HERC2: variants seen among roughly 807,000 people sequenced by gnomAD.
HERC2 encodes HECT and RLD domain containing E3 ubiquitin protein ligase 2, also known as E3 ubiquitin-protein ligase HERC2.
Under a neutral mutation model 537.7 loss-of-function variants are expected in HERC2, and 102 were observed. The ratio of observed to expected loss-of-function variants is 0.19; its 90% CI spans 0.16 to 0.22. HERC2 has a LOEUF of 0.22. HERC2 is among the 10% of genes least tolerant of loss of function. HERC2 has a pLI of 1.00. For synonymous variants in HERC2, 2,224 were observed against 2,466.2 expected (o/e 0.90, Z 2.91); for missense variants, 4,236 against 6,198.2 (o/e 0.68, Z 10.63).
chr15:28,119,320 A>G (rs1404778650), intron 86 of HERC2, among the ~76,000 whole-genome samples: 1 of 147,586 alleles, frequency 6.8e-6, no homozygotes, highest in African/African-American at 2.6e-5. Context: ...GAATTGCTTG[A>G]GCCTGGGAGG....
rs2075830972 is a variant in HERC2, at chr15:28,274,898, A to T, written c.643+7T>A. 6.2e-7 allele frequency: 1 copy of T among 1,606,712 alleles called. No individual in the cohort carries two copies. On this transcript the variant is annotated splice_region_variant and intron_variant, in intron 6 of 92. Transcript: ENST00000261609. Reference sequence around the variant, plus strand: ...AGCAGAACAACGCGCCACACCAGGGACCGTACCTGATCGCCAGGCCCTGCG... The same window carrying T: ...AGCAGAACAACGCGCCACACCAGGGTCCGTACCTGATCGCCAGGCCCTGCG...
chr15:28,199,012 C>T (rs1301831042), intron 48 of HERC2, among the ~76,000 whole-genome samples: 4 of 151,864 alleles, frequency 2.6e-5, no homozygotes, highest in Middle Eastern at 3.2e-3. Context: ...CCAGACGTGG[C>T]GGTGCATGCC....
At position 28,308,898 on chromosome 15, in the gene HERC2, T is replaced by C. The variant is rs1225928369; in HGVS notation, c.73-9382A>G. Among the ~76,000 whole-genome samples the C allele has an allele frequency of 2.0e-5, 3 of 152,260 alleles. No homozygotes were observed. The South Asian group carries it at 6.2e-4, about 31-fold the overall frequency. ...CTTGTACCCCAGGGATAAACCCCAC[T>C]TGGTCACAATGAACGATCTTTCTAA... On this transcript the variant is annotated intron_variant, in intron 2 of 92. Coordinates refer to ENST00000261609, the MANE Select transcript of HERC2 (RefSeq NM_004667.6).
intron 5 of HERC2, among the ~76,000 whole-genome samples, chr15:28,278,752 G>A (rs905209120): frequency 6.6e-6 from 1 of 152,170 alleles, no homozygotes; most frequent in Non-Finnish European, 1.5e-5. Context: ...TACCTTCTAT[G>A]TGCTCTCTCC....
chr15:28,220,519 G>C lies in HERC2; in HGVS notation c.5778C>G (p.Leu1926=), dbSNP rs1900412758. 10 of 1,602,536 alleles carry C rather than the reference G, an allele frequency of 6.2e-6. No individual in the cohort carries two copies. The highest frequency in any genetic ancestry group is 1.3e-5 in the African/African-American group (1 of 74,986). The change falls in exon 37 of 93, where the codon CTC becomes CTG. Residue 1926 remains leucine (L), a synonymous_variant. Coordinates refer to ENST00000261609, the MANE Select transcript of HERC2 (RefSeq NM_004667.6). ...YRMGKEGKYD[L]KLAELPAAAQ... Reference sequence around the variant, plus strand: ...CAGCAGCCGGCAGCTCTGCCAGCTTGAGGTCGTATTTTCCTTCTTTCCCCA... The same window carrying C: ...CAGCAGCCGGCAGCTCTGCCAGCTTCAGGTCGTATTTTCCTTCTTTCCCCA...
At chr15:28,282,853 AC>A (rs1183491180) in intron 4 of HERC2, among the ~76,000 whole-genome samples, 3 of 151,944 alleles carry the variant, frequency 2.0e-5, no homozygotes, top group African/African-American at 7.3e-5. Flanking sequence ...AATCATTCGA[AC>A]TAGGGAGGCG....
Position 28,222,351 on chromosome 15 carries a change from A to G in HERC2, c.5465-136T>C, listed in dbSNP as rs1483166795. 6 of 552,368 alleles carry G rather than the reference A, an allele frequency of 1.1e-5. No homozygotes were observed. The Admixed American group carries it at 1.5e-4, about 14-fold the overall frequency. The allele number at this position is 552,368 out of a possible 1,614,324, so 34.2% of individuals were successfully genotyped here. On this transcript the variant is annotated intron_variant, in intron 35 of 92. Transcript: ENST00000261609. Reference sequence around the variant, plus strand: ...ATACTATATGTTTTATCAATATAATATTATGAATATTTTACTGATATAGGA... The same window carrying G: ...ATACTATATGTTTTATCAATATAATGTTATGAATATTTTACTGATATAGGA...
Position 28,256,684 on chromosome 15 carries a change from T to C in HERC2, c.2518-367A>G, listed in dbSNP as rs925656423. 2.0e-4 allele frequency among the ~76,000 whole-genome samples: 31 copies of C among 152,154 alleles called. 2 individuals carry two copies. Among genetic ancestry groups the C allele is most frequent in the Non-Finnish European group, 4.0e-4 (27 of 68,036 alleles). ...ATCTCGGCTCACTGCAAGCTCTGCC[T>C]CCCCAGTTCATGCCATTTTCCTGAC... On this transcript the variant is annotated intron_variant, in intron 17 of 92. Coordinates refer to ENST00000261609, the MANE Select transcript of HERC2 (RefSeq NM_004667.6).
rs1291459553 is a variant in HERC2, at chr15:28,224,149, C to CCACA, written c.5465-1938_5465-1935dup. On this transcript the variant is annotated intron_variant, in intron 35 of 92. Transcript: ENST00000261609. Reference sequence around the variant, plus strand: ...TAAAAAATTATACACACACACACACCCACACACACACACACACAGAGAGAG... The same window carrying CCACA: ...TAAAAAATTATACACACACACACACCCACACACACACACACACACACAGAGAGAG... Among the ~76,000 whole-genome samples the CCACA allele has an allele frequency of 3.2e-4, 43 of 133,068 alleles. 1 individual carries two copies. The highest frequency in any genetic ancestry group is 3.9e-3 in the Middle Eastern group (1 of 256). 87.3% of individuals were successfully genotyped at this position (133,068 alleles called of 152,430 possible).
At chr15:28,127,362 C>T (rs961979989) in intron 83 of HERC2, among the ~76,000 whole-genome samples, 2 of 152,144 alleles carry the variant, frequency 1.3e-5, no homozygotes, top group African/African-American at 4.8e-5. Context: ...GGATGAGATG[C>T]TGGTTATGCA....
chr15:28,262,441 T>C (rs963328551), intron 15 of HERC2, among the ~76,000 whole-genome samples: 3 of 152,184 alleles, frequency 2.0e-5, no homozygotes, highest in Non-Finnish European at 4.4e-5. Flanking sequence ...CTACAATGCA[T>C]GCTGGACACC....
At chr15:28,294,409 AAAACCTTTTG>A (rs1567130463) in intron 3 of HERC2, among the ~76,000 whole-genome samples, 1 of 150,160 alleles carries the variant, frequency 6.7e-6, no homozygotes, top group African/African-American at 2.5e-5. Context: ...CACTAAGGAC[AAAACCTTTTG>A]AAAAGTGCCA....
At chr15:28,231,035 T>C (rs1482992891) in intron 30 of HERC2, among the ~76,000 whole-genome samples, 1 of 152,176 alleles carries the variant, frequency 6.6e-6, no homozygotes, top group African/African-American at 2.4e-5. Flanking sequence ...GGCCCATAGT[T>C]CCTGGCTTGT....
intron 83 of HERC2, among the ~76,000 whole-genome samples, chr15:28,125,842 A>C (rs541170595): frequency 6.6e-6 from 1 of 152,196 alleles, no homozygotes; most frequent in African/African-American, 2.4e-5. Flanking sequence ...ATGAAGTCTC[A>C]CTTTGTCGCC....
chr15:28,272,221 G>T lies in HERC2; in HGVS notation c.1077C>A (p.Asp359Glu), dbSNP rs1309573162. Residue 359 changes from aspartate (D) to glutamate (E), a missense_variant, in exon 9 of 93, where the codon GAC (aspartate) becomes GAA (glutamate). By Grantham distance (45) the Asp-to-Glu change is conservative. Coordinates refer to ENST00000261609, the MANE Select transcript of HERC2 (RefSeq NM_004667.6). ...CRKDAPHSEG[D>E]MHLLSGPLSP... is the part of the protein sequence containing the mutation. Reference sequence around the variant, plus strand: ...GTTCCATCATGACACTCACGTGCATGTCGCCCTCGGAGTGGGGTGCATCCT... The same window carrying T: ...GTTCCATCATGACACTCACGTGCATTTCGCCCTCGGAGTGGGGTGCATCCT... 2 of 1,596,146 alleles carry T rather than the reference G, an allele frequency of 1.3e-6. No homozygotes were observed. The highest frequency in any genetic ancestry group is 1.7e-6 in the Non-Finnish European group (2 of 1,172,644).
intron 4 of HERC2, among the ~76,000 whole-genome samples, chr15:28,287,564 A>T (rs1034871318): frequency 2.0e-5 from 3 of 152,296 alleles, no homozygotes; most frequent in Admixed American, 6.5e-5. Flanking sequence ...ACAGATTTTT[A>T]AAATCACAAC....
chr15:28,132,231 C>T lies in HERC2; in HGVS notation c.12439G>A (p.Asp4147Asn). ...GCATCTCCACTGCCACAGGCGATGT[C>T]AACCACACGGTGGCCCTGCAGCGCC... ...VEALQGHRVV[D>N]IACGSGDAQT... is the part of the protein sequence containing the mutation. The change falls in exon 81 of 93, where the codon GAC becomes AAC. Residue 4147 changes from aspartate to asparagine, a missense_variant. Physicochemically the swap from Asp to Asn is conservative, Grantham distance 23. Coordinates refer to ENST00000261609, the MANE Select transcript of HERC2 (RefSeq NM_004667.6). 3 of 1,613,456 alleles carry T rather than the reference C, an allele frequency of 1.9e-6. No individual in the cohort carries two copies. The highest frequency in any genetic ancestry group is 1.3e-5 in the African/African-American group (1 of 75,066).
intron 3 of HERC2, among the ~76,000 whole-genome samples, chr15:28,294,491 T>A (rs1371186904): frequency 6.7e-6 from 1 of 149,860 alleles, no homozygotes; most frequent in Admixed American, 6.7e-5. Flanking sequence ...TATTACGTGC[T>A]GCCTTGACAT....
intron 79 of HERC2, 76 bp from the exon 80 acceptor site, chr15:28,132,906 A>C: frequency 1.2e-5 from 13 of 1,070,908 alleles, no homozygotes; most frequent in Non-Finnish European, 1.6e-5. Context: ...AATACCTCTC[A>C]ATCTACACCT....
Sources: gnomAD v4.1 joint callset for allele counts (sites outside exome capture counted in the v4.1 genomes callset) on GRCh38, gnomAD v4.1.1 for gene constraint, MANE v1.5 for transcripts, NCBI Gene and HGNC (gene_info 2026-07-23, HGNC 2026-07-21) for gene names.